LVRN: variants seen among roughly 807,000 people sequenced by gnomAD.
The protein encoded by LVRN is laeverin.
Under a neutral mutation model 111.4 loss-of-function variants are expected in LVRN, and 99 were observed. The observed-to-expected ratio is 0.89, with a 90% CI of 0.76 to 1.05. The LOEUF (loss-of-function observed/expected upper bound fraction) is 1.05, where lower values mean the gene tolerates loss of function less well. Among genes scored for constraint, LVRN ranks in the 50% least tolerant of loss-of-function variants. LVRN has a pLI of 0.00. For synonymous variants in LVRN, 488 were observed against 449.5 expected (o/e 1.09, Z -1.08); for missense variants, 1,414 against 1,206.8 (o/e 1.17, Z -2.54).
Position 115,962,484 on chromosome 5 carries a change from A to G in LVRN, c.-134A>G, listed in dbSNP as rs1419014188. On this transcript the variant is annotated 5_prime_UTR_variant, in exon 1 of 20. Transcript: ENST00000357872. Reference sequence around the variant, plus strand: ...CTGTCTGCTGAGCTCCAGTCCGTCCAGGCTCTTCCAGGAGGAAGAGGCACG... The same window carrying G: ...CTGTCTGCTGAGCTCCAGTCCGTCCGGGCTCTTCCAGGAGGAAGAGGCACG... 5.0e-6 allele frequency: 4 copies of G among 803,132 alleles called. No homozygotes were observed. The highest frequency in any genetic ancestry group is 2.7e-5 in the East Asian group (1 of 37,724). 49.8% of individuals were successfully genotyped at this position (803,132 alleles called of 1,614,324 possible).
At chr5:115,964,517 GA>G (rs1274746818) in intron 1 of LVRN, among the ~76,000 whole-genome samples, 1 of 152,066 alleles carries the variant, frequency 6.6e-6, no homozygotes, top group Non-Finnish European at 1.5e-5. Context: ...AACTTGTGAA[GA>G]AATCTTTTGA....
chr5:116,018,642 A>G (rs995043032), intron 18 of LVRN, among the ~76,000 whole-genome samples: 7 of 151,932 alleles, frequency 4.6e-5, no homozygotes, highest in Admixed American at 3.3e-4. Context: ...ATTGCCCTCC[A>G]GCCTGGGTAG....
chr5:115,986,317 G>C (rs1580383406), intron 3 of LVRN, among the ~76,000 whole-genome samples: 1 of 152,188 alleles, frequency 6.6e-6, no homozygotes, highest in African/African-American at 2.4e-5. Flanking sequence ...GGAGGAATGG[G>C]CTCCCATAGG....
At chr5:115,997,416 C>A (rs1427353327) in intron 6 of LVRN, among the ~76,000 whole-genome samples, 1 of 152,154 alleles carries the variant, frequency 6.6e-6, no homozygotes, top group Non-Finnish European at 1.5e-5. Flanking sequence ...GTGATCCCAA[C>A]ACTTTGGGAG....
intron 2 of LVRN, among the ~76,000 whole-genome samples, chr5:115,983,631 C>G (rs1747770841): frequency 6.6e-6 from 1 of 152,136 alleles, no homozygotes; most frequent in Non-Finnish European, 1.5e-5. Flanking sequence ...GTATAAGAAG[C>G]TGAGGATATT....
At position 115,997,114 on chromosome 5, in the gene LVRN, G is replaced by A. The variant is rs529485920; in HGVS notation, c.1375-2648G>A. ...ATTGAGCATGTCCTATTTGCTATCC[G>A]TTGTGCTTGGAACATCATGAAAATT... is the stretch of plus-strand genomic sequence containing the variant. On this transcript the variant is annotated intron_variant, in intron 6 of 19. Transcript: ENST00000357872. 2.6e-5 allele frequency among the ~76,000 whole-genome samples: 4 copies of A among 152,160 alleles called. No homozygotes were observed. The South Asian group carries it at 8.3e-4, about 32-fold the overall frequency.
chr5:115,963,413 G>A, intron 1 of LVRN, 101 bp downstream of exon 1: 1 of 869,080 alleles, frequency 1.2e-6, no homozygotes. Context: ...CGCGTCTGCT[G>A]CCCTTTCCAA....
intron 4 of LVRN, among the ~76,000 whole-genome samples, chr5:115,991,460 G>C (rs1225644002): frequency 1.3e-5 from 2 of 152,176 alleles, no homozygotes; most frequent in African/African-American, 4.8e-5. Context: ...AGGGCATCTT[G>C]GTTGCTTCCA....
chr5:115,985,626 C>A (rs753599188), intron 3 of LVRN, among the ~76,000 whole-genome samples: 4 of 152,218 alleles, frequency 2.6e-5, no homozygotes, highest in Non-Finnish European at 5.9e-5. Flanking sequence ...TAAAGTCACT[C>A]TTGTCCCCAT....
At chr5:116,019,417 T>C (rs1820672) in intron 18 of LVRN, among the ~76,000 whole-genome samples, 43,175 of 151,982 alleles carry the variant, frequency 0.28, 6,557 homozygotes, top group African/African-American at 0.37. Flanking sequence ...GGCACATCAT[T>C]ATCACCCAAA....
At chr5:115,983,219 C>G in intron 1 of LVRN, 68 bp from the exon 2 acceptor site, 7 of 1,453,950 alleles carry the variant, frequency 4.8e-6, no homozygotes, top group Non-Finnish European at 6.4e-6. Context: ...GCCATCATCT[C>G]TCAATGTTTT....
chr5:116,001,650 C>T (rs144472723), intron 10 of LVRN, among the ~76,000 whole-genome samples: 273 of 152,306 alleles, frequency 1.8e-3, no homozygotes, highest in African/African-American at 6.3e-3. Context: ...TGAATGGTAA[C>T]TATTTCCTTG....
At chr5:115,987,537 G>A (rs17138562) in intron 3 of LVRN, among the ~76,000 whole-genome samples, 15,274 of 152,176 alleles carry the variant, frequency 0.1, 1,019 homozygotes, top group South Asian at 0.22. Flanking sequence ...GTAGATGCTG[G>A]TACAACCCAT....
At chr5:115,974,886 C>T (rs906634035) in intron 1 of LVRN, 9 of 444,646 alleles carry the variant, frequency 2.0e-5, no homozygotes, top group Non-Finnish European at 3.6e-5. Flanking sequence ...TCTCTCTGTT[C>T]TGTATCACCA....
At chr5:116,004,008 C>G (rs896406217) in intron 12 of LVRN, among the ~76,000 whole-genome samples, 2 of 152,138 alleles carry the variant, frequency 1.3e-5, no homozygotes, top group Non-Finnish European at 2.9e-5. Context: ...TGTCCTGGTT[C>G]CATTTCTTCA....
At position 116,010,913 on chromosome 5, in the gene LVRN, A is replaced by G; in HGVS notation, c.2247+19A>G. 1 of 1,516,692 alleles carries G rather than the reference A, an allele frequency of 6.6e-7. No individual in the cohort carries two copies. The highest frequency in any genetic ancestry group is 8.8e-7 in the Non-Finnish European group (1 of 1,133,052). The allele number at this position is 1,516,692 out of a possible 1,614,324, so 94.0% of individuals were successfully genotyped here. On this transcript the variant is annotated intron_variant, in intron 14 of 19. Coordinates refer to ENST00000357872, the MANE Select transcript of LVRN (RefSeq NM_173800.5). ...ATTAAAGGTAATTTCATTCTTTCTT[A>G]TGTAGTTTTTAAATAAATCCTCTCT...
intron 11 of LVRN, 103 bp downstream of exon 11, chr5:116,003,014 C>A: frequency 2.9e-6 from 3 of 1,028,252 alleles, no homozygotes; most frequent in South Asian, 1.7e-5. Context: ...TCATTTCAAA[C>A]TAAAATATCA....
intron 14 of LVRN, among the ~76,000 whole-genome samples, chr5:116,012,043 A>G (rs1320063478): frequency 6.6e-6 from 1 of 152,122 alleles, no homozygotes; most frequent in East Asian, 1.9e-4. Context: ...CTGGAAATGT[A>G]TGGGATGATG....
At chr5:116,005,128 A>G (rs1357159258) in intron 12 of LVRN, among the ~76,000 whole-genome samples, 1 of 152,258 alleles carries the variant, frequency 6.6e-6, no homozygotes. Flanking sequence ...CTTTATGATT[A>G]ATATTAATCT....
Sources: allele counts gnomAD v4.1 joint callset (sites outside exome capture counted in the v4.1 genomes callset), GRCh38; gene constraint gnomAD v4.1.1; transcripts MANE v1.5; gene names NCBI Gene and HGNC (gene_info 2026-07-23, HGNC 2026-07-21).